Variants in ZNF557 observed in about 807,000 individuals in gnomAD.
The protein encoded by ZNF557 is zinc finger protein 557, also known as CTB-25J19.9.
In ZNF557, 19 loss-of-function variants were observed where a neutral mutation model predicts 21.2. The ratio of observed to expected loss-of-function variants is 0.90; its 90% confidence interval spans 0.63 to 1.32. ZNF557 has a LOEUF of 1.32. ZNF557 is among the 40% of genes most tolerant of loss of function. The pLI, the probability that ZNF557 is intolerant of heterozygous loss-of-function variation, is 0.00. For missense variants in ZNF557, 487 were observed against 519.8 expected, an observed-to-expected ratio of 0.94 and a Z score of 0.61; for synonymous variants, 207 against 194.8, an observed-to-expected ratio of 1.06 and a Z score of -0.52.
In ZNF557 at chr19:7,075,070, A is replaced by C; in HGVS notation, c.-5A>C. On this transcript the variant is annotated 5_prime_UTR_variant, in exon 3 of 8. Coordinates refer to ENST00000252840, the MANE Select transcript of ZNF557 (RefSeq NM_024341.3). ...CGGCTGCCCTGTTGCTGTCGGAGTC[A>C]CAGGATGGCGGCTGTCGTCCTGCCC... 4.3e-6 allele frequency: 7 copies of C among 1,614,068 alleles called. No individual in the cohort carries two copies. Among genetic ancestry groups the C allele is most frequent in the Non-Finnish European group, 5.9e-6 (7 of 1,180,012 alleles).
At position 7,082,953 on chromosome 19, in the gene ZNF557, A is replaced by T; in HGVS notation, c.502A>T (p.Thr168Ser). ...FKVFSTKSSL[T>S]RHRKIHTGER... ...AGTCTTCAGCACAAAATCTTCCCTT[A>T]CACGGCACAGGAAGATTCATACTGG... The change falls in exon 8 of 8, where the codon ACA (threonine) becomes TCA (serine). Residue 168 changes from threonine to serine, a missense_variant. Transcript: ENST00000252840. The T allele has an allele frequency of 6.2e-7, 1 of 1,613,840 alleles. No individual in the cohort carries two copies. The highest frequency in any genetic ancestry group is 1.3e-5 in the African/African-American group (1 of 75,046).
chr19:7,083,191 A>G lies in ZNF557; in HGVS notation c.740A>G (p.Asn247Ser). The G allele has an allele frequency of 1.2e-6, 2 of 1,614,194 alleles. No individual in the cohort carries two copies. Among genetic ancestry groups the G allele is most frequent in the Non-Finnish European group, 1.7e-6 (2 of 1,180,030 alleles). Residue 247 changes from asparagine to serine, a missense_variant, in exon 8 of 8, where the codon AAT (asparagine) becomes AGT (serine). Coordinates refer to ENST00000252840, the MANE Select transcript of ZNF557 (RefSeq NM_024341.3). ...ECSDCGKTFS[N>S]SSYLRPHLRI... ...AGTGACTGTGGGAAAACCTTCAGCA[A>G]TTCCTCATACCTCAGACCGCACTTG...
Position 7,083,276 on chromosome 19 carries a change from T to C in ZNF557, c.825T>C (p.Thr275=). 1 of 1,614,202 alleles carries C rather than the reference T, an allele frequency of 6.2e-7. No individual in the cohort carries two copies. Among genetic ancestry groups the C allele is most frequent in the Non-Finnish European group, 8.5e-7 (1 of 1,180,042 alleles). ...KCNQCFREFR[T]QSIFTRHKRV... is the part of the protein sequence containing the mutation. ...ACCAGTGTTTTCGTGAGTTCCGCAC[T>C]CAGTCAATCTTCACAAGGCACAAGA... Residue 275 remains threonine (T), a synonymous_variant, in exon 8 of 8, where the codon ACT becomes ACC. Coordinates refer to ENST00000252840, the MANE Select transcript of ZNF557 (RefSeq NM_024341.3).
chr19:7,077,533 A>G (rs1977611959), intron 5 of ZNF557, among the ~76,000 whole-genome samples: 1 of 152,166 alleles, frequency 6.6e-6, no homozygotes, highest in Admixed American at 6.5e-5. Context: ...CACTTTTTAT[A>G]TATCATTTCA....
rs372107983 is a variant in ZNF557, at chr19:7,083,283, A to G, written c.832A>G (p.Ile278Val). 4.3e-5 allele frequency: 70 copies of G among 1,614,084 alleles called. No homozygotes were observed. The highest frequency in any genetic ancestry group is 4.5e-5 in the Non-Finnish European group (53 of 1,180,034). The change falls in exon 8 of 8, where the codon ATC (isoleucine) becomes GTC (valine). Residue 278 changes from isoleucine (I) to valine (V), a missense_variant. Ile to Val is a conservative substitution (Grantham distance 29). Transcript: ENST00000252840. ...QCFREFRTQS[I>V]FTRHKRVHTG... ...TTTTCGTGAGTTCCGCACTCAGTCA[A>G]TCTTCACAAGGCACAAGAGAGTTCA... is the stretch of plus-strand genomic sequence containing the variant.
intron 2 of ZNF557, among the ~76,000 whole-genome samples, chr19:7,073,267 C>T (rs1294291121): frequency 6.6e-6 from 1 of 151,460 alleles, no homozygotes; most frequent in African/African-American, 2.4e-5. Context: ...TCTCCTGCCT[C>T]ATCCTCCCAA....
intron 5 of ZNF557, among the ~76,000 whole-genome samples, chr19:7,078,663 C>A (rs368148065): frequency 1.3e-5 from 2 of 152,042 alleles, no homozygotes; most frequent in Admixed American, 1.3e-4. Context: ...AACTCCTGAC[C>A]TCAGGTGATC....
Position 7,086,960 on chromosome 19 carries a change from C to T in ZNF557, c.*3216C>T, listed in dbSNP as rs8108545. 65,532 of 151,344 alleles carry T rather than the reference C, an allele frequency of 0.43. 14,414 individuals carry two copies. The highest frequency in any genetic ancestry group is 0.54 in the East Asian group (2,692 of 4,992). 9.4% of individuals were successfully genotyped at this position (151,344 alleles called of 1,614,324 possible). On this transcript the variant is annotated 3_prime_UTR_variant, in exon 8 of 8. Transcript: ENST00000252840. ...AGGAGAATCGCTTGAGCCTGGGAAG[C>T]GGAGGTTGCAGTGAGCCGAGATTGC...
In ZNF557 at chr19:7,083,466, A is replaced by T. The variant is rs753367803; in HGVS notation, c.1015A>T (p.Ile339Leu). ...GAGGAGGTCGAATCTGACACAGCAC[A>T]TAAGAACTCATACTGGAGAAAAACC... ...FRRRSNLTQH[I>L]RTHTGEKPYT... Residue 339 changes from isoleucine to leucine, a missense_variant, in exon 8 of 8, where the codon ATA (isoleucine) becomes TTA (leucine). Ile to Leu is a conservative substitution (Grantham distance 5). Transcript: ENST00000252840. The T allele has an allele frequency of 6.2e-7, 1 of 1,614,232 alleles. No individual in the cohort carries two copies. The highest frequency in any genetic ancestry group is 1.1e-5 in the South Asian group (1 of 91,092).
intron 7 of ZNF557, among the ~76,000 whole-genome samples, 172 bp downstream of exon 7, chr19:7,082,224 G>C (rs533078091): frequency 4.4e-4 from 67 of 152,106 alleles, no homozygotes; most frequent in Non-Finnish European, 8.5e-4. Flanking sequence ...TTGGAGACCA[G>C]CCTGGCCAAT....
rs1977421433 is a variant in ZNF557, at chr19:7,069,733, C to A, written c.-212C>A. ...GTGAGAAGAGCCGCGCTTGCAGCGT[C>A]TGGGAGAATCTTTCGGTCTCCGCGA... is the stretch of plus-strand genomic sequence containing the variant. On this transcript the variant is annotated 5_prime_UTR_variant, in exon 1 of 8. The change creates a new upstream start codon in the 5' untranslated region. Transcript: ENST00000252840. The A allele has an allele frequency of 6.6e-6, 1 of 152,276 alleles. No homozygotes were observed. Among genetic ancestry groups the A allele is most frequent in the African/African-American group, 2.4e-5 (1 of 41,472 alleles). The allele number at this position is 152,276 out of a possible 1,614,324, so 9.4% of individuals were successfully genotyped here.
chr19:7,083,850 C>G lies in ZNF557; in HGVS notation c.*106C>G. On this transcript the variant is annotated 3_prime_UTR_variant, in exon 8 of 8. Coordinates refer to ENST00000252840, the MANE Select transcript of ZNF557 (RefSeq NM_024341.3). ...CACCTGCTACTGTGTAACAAATTACCCCCCAAAATTTTGTGGCTTCAAACA... is the reference window on the plus strand; with the variant it reads ...CACCTGCTACTGTGTAACAAATTACGCCCCAAAATTTTGTGGCTTCAAACA... 1 of 1,435,602 alleles carries G rather than the reference C, an allele frequency of 7.0e-7. No individual in the cohort carries two copies. The highest frequency in any genetic ancestry group is 1.4e-5 in the African/African-American group (1 of 69,828). The allele number at this position is 1,435,602 out of a possible 1,614,324, so 88.9% of individuals were successfully genotyped here.
chr19:7,074,530 C>A (rs1458580852), intron 2 of ZNF557, among the ~76,000 whole-genome samples: 2 of 150,698 alleles, frequency 1.3e-5, no homozygotes, highest in South Asian at 2.1e-4. Flanking sequence ...ACAACTTTTA[C>A]ATTTGTGTAT....
intron 2 of ZNF557, among the ~76,000 whole-genome samples, chr19:7,072,008 C>T (rs866499083): frequency 1.4e-5 from 2 of 148,058 alleles, no homozygotes; most frequent in Admixed American, 6.8e-5. Flanking sequence ...CCCAGCTACT[C>T]GGGAGGCTGA....
In ZNF557 at chr19:7,083,285, C is replaced by T. The variant is rs1250875310; in HGVS notation, c.834C>T (p.Ile278=). 1 of 1,614,078 alleles carries T rather than the reference C, an allele frequency of 6.2e-7. No individual in the cohort carries two copies. Among genetic ancestry groups the T allele is most frequent in the Non-Finnish European group, 8.5e-7 (1 of 1,180,044 alleles). ...QCFREFRTQS[I]FTRHKRVHTG... Reference sequence around the variant, plus strand: ...TTCGTGAGTTCCGCACTCAGTCAATCTTCACAAGGCACAAGAGAGTTCATA... The same window carrying T: ...TTCGTGAGTTCCGCACTCAGTCAATTTTCACAAGGCACAAGAGAGTTCATA... Residue 278 remains isoleucine (I), a synonymous_variant, in exon 8 of 8, where the codon ATC becomes ATT. Coordinates refer to ENST00000252840, the MANE Select transcript of ZNF557 (RefSeq NM_024341.3).
Position 7,083,970 on chromosome 19 carries a change from G to C in ZNF557, c.*226G>C. The C allele has an allele frequency of 5.9e-6, 3 of 506,064 alleles. No homozygotes were observed. Among genetic ancestry groups the C allele is most frequent in the South Asian group, 4.6e-5 (2 of 43,920 alleles). The allele number at this position is 506,064 out of a possible 1,614,324, so 31.3% of individuals were successfully genotyped here. A position where few individuals can be genotyped will look rare whatever the true frequency, so the allele number is the denominator to read the frequency against. ...GGATATCTCAAGAGGTTACAGTCCA[G>C]ATGTCAGCAGAACTGTAATCATCCA... On this transcript the variant is annotated 3_prime_UTR_variant, in exon 8 of 8. Transcript: ENST00000252840.
chr19:7,081,302 G>A, intron 5 of ZNF557, 58 bp from the exon 6 acceptor site: 1 of 1,191,380 alleles, frequency 8.4e-7, no homozygotes, highest in Non-Finnish European at 1.2e-6. Flanking sequence ...TCAGTTTCAT[G>A]GGAGAGCTTG....
chr19:7,083,825 C>A lies in ZNF557; in HGVS notation c.*81C>A. 1 of 1,487,854 alleles carries A rather than the reference C, an allele frequency of 6.7e-7. No homozygotes were observed. The highest frequency in any genetic ancestry group is 9.0e-7 in the Non-Finnish European group (1 of 1,107,142). 92.2% of individuals were successfully genotyped at this position (1,487,854 alleles called of 1,614,324 possible). A position where few individuals can be genotyped will look rare whatever the true frequency, so the allele number is the denominator to read the frequency against. ...GCAAACTCTAACAAGATGTATGAAT[C>A]ACCTGCTACTGTGTAACAAATTACC... On this transcript the variant is annotated 3_prime_UTR_variant, in exon 8 of 8. Coordinates refer to ENST00000252840, the MANE Select transcript of ZNF557 (RefSeq NM_024341.3).
Position 7,087,226 on chromosome 19 carries a change from T to TTTTTTTTTTTTTTTTTTTG in ZNF557, c.*3482_*3483insTTTTTTTTTTTTTTTTTTG, listed in dbSNP as rs1555730813. On this transcript the variant is annotated 3_prime_UTR_variant, in exon 8 of 8. Coordinates refer to ENST00000252840, the MANE Select transcript of ZNF557 (RefSeq NM_024341.3). ...GCTTTTTTTTTTTTTTTTTTTTTTT[T>TTTTTTTTTTTTTTTTTTTG]CTTCACTGTGGTGATAAAAACCACA... The TTTTTTTTTTTTTTTTTTTG allele has an allele frequency of 1.1e-5, 1 of 87,560 alleles. No individual in the cohort carries two copies. The highest frequency in any genetic ancestry group is 1.3e-4 in the Admixed American group (1 of 7,450). The allele number at this position is 87,560 out of a possible 1,614,324, so 5.4% of individuals were successfully genotyped here. A position where few individuals can be genotyped will look rare whatever the true frequency, so the allele number is the denominator to read the frequency against.
Sources: gnomAD v4.1 joint callset for allele counts (sites outside exome capture counted in the v4.1 genomes callset) on GRCh38, gnomAD v4.1.1 for gene constraint, MANE v1.5 for transcripts, NCBI Gene and HGNC (gene_info 2026-07-23, HGNC 2026-07-21) for gene names.